TMEM221: variants seen among roughly 807,000 people sequenced by gnomAD.
TMEM221 encodes the protein Putative transmembrane protein ENSP00000342162.
In TMEM221, 11 loss-of-function variants were observed where a neutral mutation model predicts 10.2. That is an observed-to-expected ratio of 1.08 (90% CI 0.68 to 1.79). TMEM221 has a LOEUF of 1.79. TMEM221 is among the 40% of genes most tolerant of loss of function. The probability of loss-of-function intolerance (pLI) is 0.00; values close to 1 mark genes in which losing one functional copy is unlikely to be tolerated. For synonymous variants in TMEM221, 172 were observed against 199.8 expected, an observed-to-expected ratio of 0.86 and a Z score of 1.18; for missense variants, 382 against 417.7, an observed-to-expected ratio of 0.91 and a Z score of 0.75.
At chr19:17,444,935 A>G in intron 2 of TMEM221, 1 of 246,416 alleles carries the variant, frequency 4.1e-6, no homozygotes, top group South Asian at 7.4e-5. Context: ...GTGAGCTACT[A>G]TGCCTGGTCC....
chr19:17,437,561 C>G (rs1161595307), intron 2 of TMEM221, among the ~76,000 whole-genome samples: 2 of 152,098 alleles, frequency 1.3e-5, no homozygotes, highest in Non-Finnish European at 2.9e-5. Flanking sequence ...AACCCTGTCT[C>G]TACAAAAAAT....
rs571345667 is a variant in TMEM221, at chr19:17,442,445, T to C, written c.406+2754A>G. On this transcript the variant is annotated intron_variant, in intron 2 of 2. Transcript: ENST00000341130. The stretch of plus-strand genomic sequence containing the variant: ...GGCTAATTTCTTTCTTTTCTTTCTT[T>C]TTTTTTTTTTTTTAGATGGCATCTC... Among the ~76,000 whole-genome samples, 510 of 146,460 alleles carry C rather than the reference T, an allele frequency of 3.5e-3. 2 individuals carry two copies. The highest frequency in any genetic ancestry group is 0.012 in the African/African-American group (489 of 40,364).
intron 2 of TMEM221, among the ~76,000 whole-genome samples, chr19:17,439,206 CAAAA>C (rs35872715): frequency 9.0e-6 from 1 of 111,496 alleles, no homozygotes. Flanking sequence ...GACTCCATCT[CAAAA>C]AAAAAAAAAA....
intron 2 of TMEM221, among the ~76,000 whole-genome samples, chr19:17,437,129 G>A (rs2074912939): frequency 6.6e-6 from 1 of 152,200 alleles, no homozygotes; most frequent in Admixed American, 6.6e-5. Flanking sequence ...GGCCCAGAGA[G>A]GTTAGGGGAC....
Position 17,436,620 on chromosome 19 carries a change from T to G in TMEM221, c.714A>C (p.Ala238=). 5 of 1,536,064 alleles carry G rather than the reference T, an allele frequency of 3.3e-6. No individual in the cohort carries two copies. Among genetic ancestry groups the G allele is most frequent in the Non-Finnish European group, 4.4e-6 (5 of 1,146,876 alleles). ...DPFGSMATAT[A]PAALEGGWES... ...CCCAGCCTCCCTCCAGGGCTGCAGG[T>G]GCTGTGGCAGTGGCCATGGACCCAA... The change falls in exon 3 of 3, where the codon GCA becomes GCC. Residue 238 remains alanine, a synonymous_variant. Transcript: ENST00000341130.
chr19:17,437,908 CTTG>C (rs1238703316), intron 2 of TMEM221, among the ~76,000 whole-genome samples: 15 of 113,794 alleles, frequency 1.3e-4, no homozygotes, highest in African/African-American at 4.6e-4. Flanking sequence ...TCTTCTTGTT[CTTG>C]TTCTTGTTCT....
At chr19:17,446,874 G>A (rs2074954987) in intron 1 of TMEM221, among the ~76,000 whole-genome samples, 1 of 152,014 alleles carries the variant, frequency 6.6e-6, no homozygotes, top group African/African-American at 2.4e-5. Flanking sequence ...TGGGACTACA[G>A]GCATGCACCA....
At chr19:17,440,685 A>G (rs1054216659) in intron 2 of TMEM221, among the ~76,000 whole-genome samples, 1 of 152,034 alleles carries the variant, frequency 6.6e-6, no homozygotes, top group African/African-American at 2.4e-5. Flanking sequence ...GCTACATAGC[A>G]AGACCCTGTC....
At chr19:17,439,206 C>A (rs1335660163) in intron 2 of TMEM221, among the ~76,000 whole-genome samples, 264 of 111,282 alleles carry the variant, frequency 2.4e-3, no homozygotes, top group African/African-American at 2.7e-3. Flanking sequence ...GACTCCATCT[C>A]AAAAAAAAAA....
Position 17,448,642 on chromosome 19 carries a change from C to T in TMEM221, c.-180G>A. 2 of 392,414 alleles carry T rather than the reference C, an allele frequency of 5.1e-6. No homozygotes were observed. The highest frequency in any genetic ancestry group is 2.1e-5 in the African/African-American group (1 of 47,716). 24.3% of individuals were successfully genotyped at this position (392,414 alleles called of 1,614,324 possible). A position where few individuals can be genotyped will look rare whatever the true frequency, so the allele number is the denominator to read the frequency against. On this transcript the variant is annotated 5_prime_UTR_variant, in exon 1 of 3. Transcript: ENST00000341130. This position sits in a 1 kb window ranked among gnomAD's most constrained non-coding sequence, Gnocchi z 4.7. Reference sequence around the variant, plus strand: ...CCAGACGGACGGGGGCTCCGGGGTGCTGGTCGCAGCCGGGACGCCGAATCT... The same window carrying T: ...CCAGACGGACGGGGGCTCCGGGGTGTTGGTCGCAGCCGGGACGCCGAATCT...
intron 1 of TMEM221, among the ~76,000 whole-genome samples, chr19:17,447,383 C>T (rs1157282837): frequency 1.3e-5 from 2 of 152,124 alleles, no homozygotes; most frequent in African/African-American, 4.8e-5. Flanking sequence ...ACTTGGTCCC[C>T]GCTGTCTCTG....
rs190844265 is a variant in TMEM221, at chr19:17,448,438, C to T, written c.25G>A (p.Val9Met). 1.1e-3 allele frequency: 1,627 copies of T among 1,482,074 alleles called. 1 individual carries two copies. The highest frequency in any genetic ancestry group is 1.4e-3 in the Non-Finnish European group (1,524 of 1,123,040). The allele number at this position is 1,482,074 out of a possible 1,614,324, so 91.8% of individuals were successfully genotyped here. The change falls in exon 1 of 3, where the codon GTG (valine) becomes ATG (methionine). Residue 9 changes from valine to methionine, a missense_variant. Physicochemically the swap from Val to Met is conservative, Grantham distance 21 (BLOSUM62 1). Coordinates refer to ENST00000341130, the MANE Select transcript of TMEM221 (RefSeq NM_001190844.2). This position sits in a 1 kb window ranked among gnomAD's most constrained non-coding sequence, Gnocchi z 4.7. MARSYGGRVLAAMTLLGIA... is the reference protein window; with the variant it reads MARSYGGRMLAAMTLLGIA... Reference sequence around the variant, plus strand: ...CCCAGCAGGGTCATTGCAGCCAGCACCCGGCCGCCGTAAGAACGGGCCATG... The same window carrying T: ...CCCAGCAGGGTCATTGCAGCCAGCATCCGGCCGCCGTAAGAACGGGCCATG...
In TMEM221 at chr19:17,448,469, G is replaced by T. The variant is rs1459223195; in HGVS notation, c.-7C>A. The stretch of plus-strand genomic sequence containing the variant: ...CGCCGTAAGAACGGGCCATGGCGGG[G>T]GTTCCTGCGGGCCGGGGGAAGAGTT... On this transcript the variant is annotated 5_prime_UTR_variant, in exon 1 of 3. Transcript: ENST00000341130. This position sits in a 1 kb window ranked among gnomAD's most constrained non-coding sequence, Gnocchi z 4.7. The T allele has an allele frequency of 2.7e-6, 4 of 1,469,760 alleles. No individual in the cohort carries two copies. The highest frequency in any genetic ancestry group is 3.6e-6 in the Non-Finnish European group (4 of 1,115,472). 91.0% of individuals were successfully genotyped at this position (1,469,760 alleles called of 1,614,324 possible). A position where few individuals can be genotyped will look rare whatever the true frequency, so the allele number is the denominator to read the frequency against.
chr19:17,437,015 A>G, intron 2 of TMEM221, 88 bp from the exon 3 acceptor site: 2 of 1,036,026 alleles, frequency 1.9e-6, no homozygotes, highest in South Asian at 5.2e-5. Context: ...GGGAGAAATT[A>G]CGAAAAGCCC....
chr19:17,438,876 G>T (rs1237007639), intron 2 of TMEM221, among the ~76,000 whole-genome samples: 25 of 66,512 alleles, frequency 3.8e-4, no homozygotes, highest in African/African-American at 1.4e-3. Context: ...GGGATTACAG[G>T]CATTAGCCAC....
At position 17,448,248 on chromosome 19, in the gene TMEM221, G is replaced by T; in HGVS notation, c.215C>A (p.Ala72Asp). 7.7e-7 allele frequency: 1 copy of T among 1,292,568 alleles called. No homozygotes were observed. Among genetic ancestry groups the T allele is most frequent in the Non-Finnish European group, 9.8e-7 (1 of 1,021,140 alleles). The allele number at this position is 1,292,568 out of a possible 1,614,324, so 80.1% of individuals were successfully genotyped here. A position where few individuals can be genotyped will look rare whatever the true frequency, so the allele number is the denominator to read the frequency against. The change falls in exon 1 of 3, where the codon GCC becomes GAC. Residue 72 changes from alanine (A) to aspartate (D), a missense_variant. Transcript: ENST00000341130. This position sits in a 1 kb window ranked among gnomAD's most constrained non-coding sequence, Gnocchi z 4.7. The stretch of plus-strand genomic sequence containing the variant: ...CACGAGCACCAGCGCGGCCAGCGCG[G>T]CGGCCAGCGGCAGCAGCGTCCCGGC... ...DAAGTLLPLA[A>D]ALAALVLVLG...
At position 17,437,071 on chromosome 19, in the gene TMEM221, C is replaced by A. The variant is rs571526937; in HGVS notation, c.407-144G>T. On this transcript the variant is annotated intron_variant, in intron 2 of 2. Transcript: ENST00000341130. Reference sequence around the variant, plus strand: ...GAATAGGCATTTAATCCTCCCACATCCCACTCGTGCATCATCATCACATCC... The same window carrying A: ...GAATAGGCATTTAATCCTCCCACATACCACTCGTGCATCATCATCACATCC... 213 of 549,272 alleles carry A rather than the reference C, an allele frequency of 3.9e-4. 5 individuals carry two copies. The South Asian group carries it at 9.3e-3, about 24-fold the overall frequency. 34.0% of individuals were successfully genotyped at this position (549,272 alleles called of 1,614,324 possible).
intron 2 of TMEM221, among the ~76,000 whole-genome samples, chr19:17,442,034 T>G (rs2074934098): frequency 6.6e-6 from 1 of 152,112 alleles, no homozygotes; most frequent in South Asian, 2.1e-4. Context: ...GTTACCTTTT[T>G]TTTCCTTTTG....
Position 17,437,043 on chromosome 19 carries a change from A to T in TMEM221, c.407-116T>A, listed in dbSNP as rs924162304. 7.2e-6 allele frequency: 5 copies of T among 692,118 alleles called. No individual in the cohort carries two copies. In the Admixed American group the frequency reaches 1.9e-4, roughly 26 times the overall value. The allele number at this position is 692,118 out of a possible 1,614,324, so 42.9% of individuals were successfully genotyped here. A position where few individuals can be genotyped will look rare whatever the true frequency, so the allele number is the denominator to read the frequency against. On this transcript the variant is annotated intron_variant, in intron 2 of 2. Coordinates refer to ENST00000341130, the MANE Select transcript of TMEM221 (RefSeq NM_001190844.2). The stretch of plus-strand genomic sequence containing the variant: ...AAAAGCCCTGCCACATGACAGGCAC[A>T]TAGAATAGGCATTTAATCCTCCCAC...
Sources: allele counts gnomAD v4.1 joint callset (sites outside exome capture counted in the v4.1 genomes callset), GRCh38; gene constraint gnomAD v4.1.1; non-coding constraint Gnocchi (gnomAD v3.1); transcripts MANE v1.5; gene names NCBI Gene and HGNC (gene_info 2026-07-23, HGNC 2026-07-21).